The following PCDHGA6 variants were observed in gnomAD, a reference collection of about 807,000 sequenced individuals.
PCDHGA6 encodes protocadherin gamma-A6.
In PCDHGA6, 41 loss-of-function variants were observed where a neutral mutation model predicts 60.6. The observed-to-expected ratio is 0.68, with a 90% confidence interval of 0.53 to 0.88. PCDHGA6 has a LOEUF of 0.88. Ranked by LOEUF, PCDHGA6 falls within the 40% of genes least tolerant of loss-of-function variation. The pLI is 0.00. For synonymous variants in PCDHGA6, 594 were observed against 524.4 expected (o/e 1.13, Z -1.81); for missense variants, 1,312 against 1,203.0 (o/e 1.09, Z -1.34).
At chr5:141,474,361 T>C (rs2099347915) in intron 1 of PCDHGA6, among the ~76,000 whole-genome samples, 2 of 152,210 alleles carry the variant, frequency 1.3e-5, no homozygotes, top group South Asian at 2.1e-4. Context: ...CATGTCTCAG[T>C]AGGTCTAGAG....
chr5:141,422,777 C>CCCTACAAT, intron 1 of PCDHGA6: 2 of 1,613,982 alleles, frequency 1.2e-6, no homozygotes, highest in Non-Finnish European at 1.7e-6. Context: ...GTTCTCTATG[C>CCCTACAAT]CCTACAATCC....
chr5:141,428,061 G>A (rs755817800), intron 1 of PCDHGA6: 1 of 1,609,154 alleles, frequency 6.2e-7, no homozygotes, highest in South Asian at 1.1e-5. Flanking sequence ...GGTGGCGGTG[G>A]ACGCAGATTC....
At chr5:141,457,677 T>C (rs1386991642) in intron 1 of PCDHGA6, among the ~76,000 whole-genome samples, 1 of 152,262 alleles carries the variant, frequency 6.6e-6, no homozygotes, top group Non-Finnish European at 1.5e-5. Flanking sequence ...TATTTCTACA[T>C]AGGACTTTTG....
rs372466798 is a variant in PCDHGA6 at position 141,413,407 on chromosome 5, C to T, written c.2424+36900C>T. On this transcript the variant is annotated intron_variant, in intron 1 of 3. Transcript: ENST00000517434. ...CATAGTCTCCAGAGGTAGGACGCAG[C>T]TTTTCTCTCTGAACCCGCGCAGCGG... The T allele has an allele frequency of 6.2e-7, 1 of 1,614,044 alleles. No individual in the cohort carries two copies. The highest frequency in any genetic ancestry group is 8.5e-7 in the Non-Finnish European group (1 of 1,179,938).
At chr5:141,383,515 C>A (rs749503295) in intron 1 of PCDHGA6, 4 of 1,612,348 alleles carry the variant, frequency 2.5e-6, no homozygotes, top group Admixed American at 1.7e-5. Context: ...GGAGGAAGAG[C>A]GGGTTCACCA....
rs1368632691 is a variant in PCDHGA6 at position 141,485,071 on chromosome 5, C to A, written c.2425-9736C>A. ...GCCGGCCGAACCGCGCCAGAGCTGG[C>A]GCGGGGAAAGGGAGATAGGTGTCTC... On this transcript the variant is annotated intron_variant, in intron 1 of 3. Coordinates refer to ENST00000517434, the MANE Select transcript of PCDHGA6 (RefSeq NM_018919.3). This position sits in a 1 kb window ranked among gnomAD's most constrained non-coding sequence, Gnocchi z 5.7. 3.3e-6 allele frequency: 3 copies of A among 913,030 alleles called. No individual in the cohort carries two copies. Among genetic ancestry groups the A allele is most frequent in the Non-Finnish European group, 5.1e-6 (3 of 584,604 alleles). 56.6% of individuals were successfully genotyped at this position (913,030 alleles called of 1,614,324 possible).
intron 2 of PCDHGA6, among the ~76,000 whole-genome samples, chr5:141,499,214 C>T (rs1228581603): frequency 6.6e-6 from 1 of 152,074 alleles, no homozygotes; most frequent in Non-Finnish European, 1.5e-5. Flanking sequence ...TAACCCAGGC[C>T]CTGCCCTGCA....
rs1413324509 is a variant in PCDHGA6 at position 141,431,464 on chromosome 5, G to T, written c.2424+54957G>T. The T allele has an allele frequency of 6.2e-7, 1 of 1,613,782 alleles. No homozygotes were observed. The highest frequency in any genetic ancestry group is 2.2e-5 in the East Asian group (1 of 44,880). ...GCATCCGCGTGATGGTTCTGGATGC[G>T]AACGACAACGCACCAGCGTTTGCTC... On this transcript the variant is annotated intron_variant, in intron 1 of 3. Transcript: ENST00000517434. This position sits in a 1 kb window ranked among gnomAD's most constrained non-coding sequence, Gnocchi z 4.8.
chr5:141,391,797 A>G (rs1283933191), intron 1 of PCDHGA6: 1 of 152,180 alleles, frequency 6.6e-6, no homozygotes, highest in African/African-American at 2.4e-5. Context: ...AGTTTTTTAG[A>G]TCAAAGTGTT....
At chr5:141,430,383 GA>G (rs139772145) in intron 1 of PCDHGA6, among the ~76,000 whole-genome samples, 3,229 of 138,382 alleles carry the variant, frequency 0.023, 41 homozygotes, top group African/African-American at 0.033. Flanking sequence ...AGCTCATTGG[GA>G]AAAAAAAAAA....
In PCDHGA6 at chr5:141,489,652, C is replaced by A. The variant is rs767143028; in HGVS notation, c.2425-5155C>A. On this transcript the variant is annotated intron_variant, in intron 1 of 3. Transcript: ENST00000517434. The surrounding 1 kb of genome is among the most constrained non-coding windows in gnomAD (Gnocchi z 4.5). ...CTCTCCTAGCTTTGCCACCCCTGAG[C>A]GAGAGATGCGCATCTCAGAATCAGC... 34 of 1,614,024 alleles carry A rather than the reference C, an allele frequency of 2.1e-5. No homozygotes were observed. The Middle Eastern group carries it at 6.6e-4, about 31-fold the overall frequency.
At chr5:141,410,576 C>A (rs533810160) in intron 1 of PCDHGA6, 1 of 1,611,270 alleles carries the variant, frequency 6.2e-7, no homozygotes, top group African/African-American at 1.3e-5. Flanking sequence ...AATTCCACCT[C>A]ATGGTGGGGA....
chr5:141,502,126 A>C (rs2154593060), intron 2 of PCDHGA6, among the ~76,000 whole-genome samples: 1 of 152,252 alleles, frequency 6.6e-6, no homozygotes, highest in South Asian at 2.1e-4. Flanking sequence ...AGGCCCACAG[A>C]GCTCAGTCGG....
intron 1 of PCDHGA6, among the ~76,000 whole-genome samples, chr5:141,492,927 G>A (rs925569925): frequency 2.0e-5 from 3 of 152,180 alleles, no homozygotes; most frequent in Admixed American, 6.5e-5. Context: ...AGCGATCTAG[G>A]GTCAGAGATT....
intron 1 of PCDHGA6, chr5:141,413,448 G>A (rs781717265): frequency 3.1e-6 from 5 of 1,614,122 alleles, no homozygotes; most frequent in Non-Finnish European, 4.2e-6. Context: ...TGATCACCGC[G>A]GGCAGGATAG....
intron 1 of PCDHGA6, chr5:141,395,077 A>T: frequency 6.2e-7 from 1 of 1,614,142 alleles, no homozygotes; most frequent in Non-Finnish European, 8.5e-7. Flanking sequence ...ACCTATTCCC[A>T]GGAAGTCTCC....
chr5:141,392,768 T>C lies in PCDHGA6; in HGVS notation c.2424+16261T>C, dbSNP rs754714050. The C allele has an allele frequency of 1.9e-5, 29 of 1,507,388 alleles. No homozygotes were observed. In the Middle Eastern group the frequency reaches 7.0e-4, roughly 37 times the overall value. 93.4% of individuals were successfully genotyped at this position (1,507,388 alleles called of 1,614,324 possible). On this transcript the variant is annotated intron_variant, in intron 1 of 3. Coordinates refer to ENST00000517434, the MANE Select transcript of PCDHGA6 (RefSeq NM_018919.3). ...GCGGCAAGAAACTAAATAAGACCCA[T>C]TTATGCACAGTGAAGATTCTGAGAG...
chr5:141,453,869 G>A (rs887544235), intron 1 of PCDHGA6, among the ~76,000 whole-genome samples: 9 of 152,144 alleles, frequency 5.9e-5, no homozygotes, highest in Non-Finnish European at 1.2e-4. Context: ...TAACAGATGA[G>A]CAAAATAATG....
intron 1 of PCDHGA6, chr5:141,383,335 A>G (rs768493481): frequency 3.1e-6 from 5 of 1,613,892 alleles, no homozygotes; most frequent in Non-Finnish European, 4.2e-6. Flanking sequence ...AATGGAGAAT[A>G]CAGCTCCTGG....
Sources: gnomAD v4.1 joint callset for allele counts (sites outside exome capture counted in the v4.1 genomes callset) on GRCh38, gnomAD v4.1.1 for gene constraint, Gnocchi (gnomAD v3.1) non-coding constraint, MANE v1.5 for transcripts, NCBI Gene and HGNC (gene_info 2026-07-23, HGNC 2026-07-21) for gene names.